GET1: variants seen among roughly 807,000 people sequenced by gnomAD.
GET1 encodes the protein congenital heart disease 5 protein.
A neutral mutation model predicts 22.6 loss-of-function variants in GET1; 20 were observed. That is an observed-to-expected ratio of 0.89 (90% CI 0.62 to 1.29). The LOEUF is 1.29. GET1 is among the 50% of genes most tolerant of loss of function. The pLI, the probability that GET1 is intolerant of heterozygous loss-of-function variation, is 0.00. For synonymous variants in GET1, 92 were observed against 83.8 expected (o/e 1.10, Z -0.53); for missense variants, 209 against 219.9 (o/e 0.95, Z 0.31).
intron 1 of GET1, chr21:39,423,398 T>C (rs2074072934): frequency 7.5e-6 from 12 of 1,609,016 alleles, no homozygotes; most frequent in South Asian, 2.2e-5. Flanking sequence ...CGATGAGCCA[T>C]AGCATCTCTT....
intron 4 of GET1, among the ~76,000 whole-genome samples, chr21:39,404,985 C>T (rs892804700): frequency 6.6e-6 from 1 of 151,790 alleles, no homozygotes; most frequent in Non-Finnish European, 1.5e-5. Context: ...GCATGTGCCA[C>T]CACACCCAGC....
intron 1 of GET1, among the ~76,000 whole-genome samples, chr21:39,389,012 GCCAACA>G: frequency 6.6e-6 from 1 of 152,296 alleles, no homozygotes; most frequent in Middle Eastern, 3.4e-3. Flanking sequence ...TCCAATTGAA[GCCAACA>G]CCACAAGATT....
chr21:39,391,669 C>A, intron 2 of GET1, 100 bp from the exon 3 acceptor site: 1 of 1,155,122 alleles, frequency 8.7e-7, no homozygotes, highest in Non-Finnish European at 1.3e-6. Context: ...CATTTATAAT[C>A]AGAAAGTGTA....
chr21:39,408,219 C>T (rs920020931), downstream of GET1, among the ~76,000 whole-genome samples: 1 of 152,212 alleles, frequency 6.6e-6, no homozygotes, highest in Non-Finnish European at 1.5e-5. Context: ...GACCCTCAAC[C>T]TAGAGTTTCC....
chr21:39,382,186 C>G (rs2037595434), intron 1 of GET1, among the ~76,000 whole-genome samples: 1 of 151,982 alleles, frequency 6.6e-6, no homozygotes, highest in African/African-American at 2.4e-5. Context: ...TCCCAGGTAG[C>G]TGTGATTACC....
intron 3 of GET1, chr21:39,392,066 G>A: frequency 2.0e-6 from 1 of 506,352 alleles, no homozygotes; most frequent in Non-Finnish European, 3.5e-6. Context: ...CAGATGGACT[G>A]TGAAGTAAGT....
At chr21:39,392,619 G>T (rs1040842437) in intron 3 of GET1, among the ~76,000 whole-genome samples, 16 of 152,214 alleles carry the variant, frequency 1.1e-4, no homozygotes, top group African/African-American at 3.9e-4. Flanking sequence ...AAGGAATGCT[G>T]TGGGGGGATG....
intron 4 of GET1, chr21:39,405,797 CCTCT>C: frequency 9.6e-7 from 1 of 1,043,394 alleles, no homozygotes; most frequent in Non-Finnish European, 1.3e-6. Context: ...ACATACACTC[CCTCT>C]CTCACACATT....
downstream of GET1, chr21:39,410,414 A>G (rs1321458974): frequency 1.0e-6 from 1 of 972,308 alleles, no homozygotes. Flanking sequence ...TTACATTTGG[A>G]TACAATATTG....
chr21:39,424,007 A>T (rs1569102352), intron 1 of GET1, among the ~76,000 whole-genome samples: 1 of 152,096 alleles, frequency 6.6e-6, no homozygotes, highest in Non-Finnish European at 1.5e-5. Flanking sequence ...CAATTTTTTT[A>T]AATGTTTATT....
intron 1 of GET1, among the ~76,000 whole-genome samples, chr21:39,417,736 G>C (rs1481713810): frequency 6.6e-6 from 1 of 151,814 alleles, no homozygotes; most frequent in Non-Finnish European, 1.5e-5. Flanking sequence ...GTGCAGGGGA[G>C]CTTCTTTTTA....
chr21:39,404,526 C>T (rs751268259), intron 4 of GET1, among the ~76,000 whole-genome samples: 23 of 152,196 alleles, frequency 1.5e-4, no homozygotes, highest in East Asian at 7.8e-4. Context: ...GGGCAGATCA[C>T]CTGAGGTCAG....
At chr21:39,402,025 A>G (rs2038852713), downstream of GET1, among the ~76,000 whole-genome samples, 1 of 152,184 alleles carries the variant, frequency 6.6e-6, no homozygotes, top group African/African-American at 2.4e-5. Context: ...CCCTAATTTC[A>G]ATAATAATGA....
chr21:39,390,574 A>G, intron 1 of GET1, 124 bp from the exon 2 acceptor site: 1 of 1,294,468 alleles, frequency 7.7e-7, no homozygotes, highest in Non-Finnish European at 1.0e-6. Context: ...TCAGTCCTGC[A>G]GGGACGCACA....
In GET1 at chr21:39,387,874, G is replaced by A. The variant is rs556582153; in HGVS notation, c.103-2824G>A. 73 of 970,496 alleles carry A rather than the reference G, an allele frequency of 7.5e-5. 1 individual carries two copies. In the Middle Eastern group the frequency reaches 1.6e-3, roughly 21 times the overall value. 60.1% of individuals were successfully genotyped at this position (970,496 alleles called of 1,614,324 possible). ...GAGACCTGTAAGCTGGAAGGGGGAG[G>A]GGGGGGGATCTGATTTATTGTGTGC... On this transcript the variant is annotated intron_variant, in intron 1 of 4. Transcript: ENST00000649170.
Position 39,390,881 on chromosome 21 carries a change from G to T in GET1, c.268+18G>T. 3 of 1,613,478 alleles carry T rather than the reference G, an allele frequency of 1.9e-6. No homozygotes were observed. Among genetic ancestry groups the T allele is most frequent in the Non-Finnish European group, 2.5e-6 (3 of 1,179,586 alleles). On this transcript the variant is annotated intron_variant, in intron 2 of 4. Transcript: ENST00000649170. Reference sequence around the variant, plus strand: ...AACCCATGGTACTGTGTCCCTTGCAGCCTGGAGGCTTCATGAGAGCGGATG... The same window carrying T: ...AACCCATGGTACTGTGTCCCTTGCATCCTGGAGGCTTCATGAGAGCGGATG...
downstream of GET1, among the ~76,000 whole-genome samples, chr21:39,409,119 G>A (rs746037577): frequency 6.4e-4 from 97 of 152,100 alleles, no homozygotes; most frequent in Non-Finnish European, 2.2e-4. The surrounding 1 kb of genome is among the most constrained non-coding windows in gnomAD (Gnocchi z 4.2). Flanking sequence ...CCTTCATGAC[G>A]GAATTAGTGT....
At chr21:39,409,184 C>T (rs1054889017), downstream of GET1, among the ~76,000 whole-genome samples, 1 of 152,072 alleles carries the variant, frequency 6.6e-6, no homozygotes, top group African/African-American at 2.4e-5. This position sits in a 1 kb window ranked among gnomAD's most constrained non-coding sequence, Gnocchi z 4.2. Flanking sequence ...TCTCCTCGTG[C>T]GAGCACTAAG....
At chr21:39,413,715 T>C (rs1308633914) in intron 1 of GET1, 4 of 152,212 alleles carry the variant, frequency 2.6e-5, no homozygotes, top group African/African-American at 9.6e-5. Context: ...ATCAGGTGTA[T>C]TCTGGATAAT....
Sources: gnomAD v4.1 joint callset for allele counts (sites outside exome capture counted in the v4.1 genomes callset) on GRCh38, gnomAD v4.1.1 for gene constraint, Gnocchi (gnomAD v3.1) non-coding constraint, MANE v1.5 for transcripts, NCBI Gene and HGNC (gene_info 2026-07-23, HGNC 2026-07-21) for gene names.